CDC14B: variants seen among roughly 807,000 people sequenced by gnomAD.
CDC14B encodes dual specificity protein phosphatase CDC14B.
A neutral mutation model predicts 64.2 loss-of-function variants in CDC14B; 22 were observed. The observed-to-expected ratio is 0.34, with a 90% CI of 0.24 to 0.49. The LOEUF (loss-of-function observed/expected upper bound fraction) is 0.49, where lower values mean the gene tolerates loss of function less well. Among genes scored for constraint, CDC14B ranks in the 20% least tolerant of loss-of-function variants. The pLI is 0.99. For missense variants in CDC14B, 498 were observed against 629.9 expected, an observed-to-expected ratio of 0.79 and a Z score of 2.24; for synonymous variants, 191 against 215.8, an observed-to-expected ratio of 0.89 and a Z score of 1.01.
chr9:96,602,454 C>A (rs775666833), intron 1 of CDC14B, among the ~76,000 whole-genome samples: 2 of 152,166 alleles, frequency 1.3e-5, no homozygotes, highest in Non-Finnish European at 2.9e-5. Context: ...CGAAACTGGG[C>A]AATTTACAAA....
intron 1 of CDC14B, among the ~76,000 whole-genome samples, chr9:96,584,868 C>T (rs1845369861): frequency 1.3e-5 from 2 of 152,086 alleles, no homozygotes; most frequent in South Asian, 4.1e-4. Flanking sequence ...GTTGGTCAGG[C>T]TGGTCTCGAA....
chr9:96,563,212 A>T (rs1843451309), intron 3 of CDC14B, among the ~76,000 whole-genome samples: 1 of 152,198 alleles, frequency 6.6e-6, no homozygotes. Flanking sequence ...AGAGACAGGA[A>T]CTGGAAGACA....
chr9:96,516,884 C>T (rs770728057), intron 12 of CDC14B, among the ~76,000 whole-genome samples: 7 of 151,696 alleles, frequency 4.6e-5, no homozygotes, highest in Non-Finnish European at 7.4e-5. Flanking sequence ...CTCCCCCTCC[C>T]GGGTTCAAGC....
At chr9:96,542,434 C>T (rs891220811) in intron 5 of CDC14B, among the ~76,000 whole-genome samples, 7 of 152,044 alleles carry the variant, frequency 4.6e-5, no homozygotes, top group Non-Finnish European at 1.0e-4. Flanking sequence ...AGGTCATAAG[C>T]ATTTTGTTGC....
chr9:96,588,820 G>A (rs1040429550), intron 1 of CDC14B, among the ~76,000 whole-genome samples: 5 of 152,042 alleles, frequency 3.3e-5, no homozygotes, highest in African/African-American at 4.8e-5. Flanking sequence ...TAAAAAGGGC[G>A]GTTTTAGAAG....
chr9:96,501,240 G>C lies in CDC14B; in HGVS notation c.*2513C>G, dbSNP rs1395498461. 1 of 152,214 alleles carries C rather than the reference G, an allele frequency of 6.6e-6. No homozygotes were observed. Among genetic ancestry groups the C allele is most frequent in the Non-Finnish European group, 1.5e-5 (1 of 68,038 alleles). 9.4% of individuals were successfully genotyped at this position (152,214 alleles called of 1,614,324 possible). On this transcript the variant is annotated 3_prime_UTR_variant, in exon 14 of 14. Coordinates refer to ENST00000375241, the MANE Select transcript of CDC14B (RefSeq NM_033331.4). ...TTTGATAATTTTGAGTCCCCAGAAA[G>C]CTTCAAGAGCACCTAAAAATATTCA... is the stretch of plus-strand genomic sequence containing the variant.
chr9:96,574,078 C>T (rs1028997884), intron 1 of CDC14B, among the ~76,000 whole-genome samples: 1 of 150,794 alleles, frequency 6.6e-6, no homozygotes, highest in Non-Finnish European at 1.5e-5. Flanking sequence ...ACCCGGGAGG[C>T]GGAGCTGGCA....
chr9:96,523,608 G>C lies in CDC14B; in HGVS notation c.1064C>G (p.Pro355Arg). 6.2e-7 allele frequency: 1 copy of C among 1,614,202 alleles called. No homozygotes were observed. Among genetic ancestry groups the C allele is most frequent in the East Asian group, 2.2e-5 (1 of 44,890 alleles). ...TTACATCACCAAAAACTGCTGCTGA[G>C]GCCCAATCACCGAGCCAGGTCTGCA... The part of the protein sequence containing the change: ...RICRPGSVIG[P>R]QQQFLVMKQT... The change falls in exon 10 of 14, where the codon CCT becomes CGT. Residue 355 changes from proline (P) to arginine (R), a missense_variant. By Grantham distance (103) the Pro-to-Arg change is moderately radical. Coordinates refer to ENST00000375241, the MANE Select transcript of CDC14B (RefSeq NM_033331.4).
intron 12 of CDC14B, among the ~76,000 whole-genome samples, chr9:96,510,916 A>G (rs545740778): frequency 3.4e-4 from 52 of 152,122 alleles, no homozygotes; most frequent in Non-Finnish European, 6.9e-4. Context: ...CCTATATGCA[A>G]TTCTTTTCTT....
At chr9:96,522,151 C>A (rs879893605) in intron 12 of CDC14B, among the ~76,000 whole-genome samples, 8 of 152,182 alleles carry the variant, frequency 5.3e-5, no homozygotes, top group Non-Finnish European at 1.2e-4. Flanking sequence ...AAATGATCTG[C>A]AACATGGCAA....
chr9:96,532,923 T>G (rs1587849198), intron 9 of CDC14B, among the ~76,000 whole-genome samples: 1 of 152,322 alleles, frequency 6.6e-6, no homozygotes, highest in African/African-American at 2.4e-5. Flanking sequence ...TAAAATTTTT[T>G]GCCTACTAAG....
chr9:96,562,810 G>A (rs1298932644), intron 3 of CDC14B, 25 bp from the exon 4 acceptor site: 1 of 1,419,820 alleles, frequency 7.0e-7, no homozygotes, highest in Non-Finnish European at 9.9e-7. Context: ...ATAACTGTTA[G>A]CATTTTCTTT....
chr9:96,565,343 T>C, intron 2 of CDC14B, 50 bp downstream of exon 2: 1 of 1,148,748 alleles, frequency 8.7e-7, no homozygotes, highest in African/African-American at 1.5e-5. Flanking sequence ...ACCATACCTT[T>C]AGATTCTTCA....
downstream of CDC14B, among the ~76,000 whole-genome samples, chr9:96,495,477 C>T (rs573079334): frequency 5.3e-4 from 77 of 146,542 alleles, no homozygotes; most frequent in African/African-American, 1.6e-3. Flanking sequence ...GTGCGATGAA[C>T]AACCTGCACA....
chr9:96,502,094 C>T lies in CDC14B; in HGVS notation c.*1659G>A, dbSNP rs1274793323. On this transcript the variant is annotated 3_prime_UTR_variant, in exon 14 of 14. Coordinates refer to ENST00000375241, the MANE Select transcript of CDC14B (RefSeq NM_033331.4). ...ATCTTATTGAAGAGTAGTCTGCCCA[C>T]AGCCAAGTGGGTCTTTGTGCCTATT... is the stretch of plus-strand genomic sequence containing the variant. 1 of 152,188 alleles carries T rather than the reference C, an allele frequency of 6.6e-6. No individual in the cohort carries two copies. The highest frequency in any genetic ancestry group is 1.5e-5 in the Non-Finnish European group (1 of 68,026). 9.4% of individuals were successfully genotyped at this position (152,188 alleles called of 1,614,324 possible).
At chr9:96,558,663 A>T (rs1842787839) in intron 4 of CDC14B, among the ~76,000 whole-genome samples, 1 of 152,250 alleles carries the variant, frequency 6.6e-6, no homozygotes, top group African/African-American at 2.4e-5. Flanking sequence ...GATTTTTATT[A>T]TGAATTTGTT....
intron 6 of CDC14B, among the ~76,000 whole-genome samples, chr9:96,541,458 T>G (rs112990661): frequency 6.6e-5 from 10 of 152,364 alleles, no homozygotes; most frequent in Admixed American, 3.3e-4. Flanking sequence ...TTGGCAGGAA[T>G]CAGGTATATA....
intron 1 of CDC14B, among the ~76,000 whole-genome samples, chr9:96,584,234 G>A (rs1187688459): frequency 2.0e-5 from 3 of 152,180 alleles, no homozygotes; most frequent in Admixed American, 2.0e-4. Context: ...TCTGAGGCTA[G>A]CTTTTATTAT....
chr9:96,491,852 A>ATGTT (rs1159273132), exon 14 of CDC14B: 1 of 152,272 alleles, frequency 6.6e-6, no homozygotes, highest in African/African-American at 2.4e-5. Flanking sequence ...GTAATGGGCT[A>ATGTT]TGTTTGCTTA....
Sources: allele counts gnomAD v4.1 joint callset (sites outside exome capture counted in the v4.1 genomes callset), GRCh38; gene constraint gnomAD v4.1.1; transcripts MANE v1.5; gene names NCBI Gene and HGNC (gene_info 2026-07-23, HGNC 2026-07-21).